Variants in RIC3 observed in about 807,000 individuals in gnomAD.
The protein encoded by RIC3 is protein RIC-3.
A neutral mutation model predicts 27.3 loss-of-function variants in RIC3; 28 were observed. The ratio of observed to expected loss-of-function variants is 1.02; its 90% CI spans 0.76 to 1.41. The LOEUF (loss-of-function observed/expected upper bound fraction) is 1.41. Ranked by LOEUF, RIC3 falls within the 40% of genes most tolerant of loss-of-function variation. The pLI, the probability that RIC3 is intolerant of heterozygous loss-of-function variation, is 0.00. For missense variants in RIC3, 501 were observed against 444.7 expected (o/e 1.13, Z -1.14); for synonymous variants, 184 against 160.4 (o/e 1.15, Z -1.11).
At position 8,107,180 on chromosome 11, in the gene RIC3, GTTT is replaced by G. The variant is rs1194876845; in HGVS notation, c.*3515_*3517del. The G allele has an allele frequency of 1.3e-5, 2 of 152,180 alleles. No homozygotes were observed. Among genetic ancestry groups the G allele is most frequent in the Non-Finnish European group, 2.9e-5 (2 of 68,020 alleles). The allele number at this position is 152,180 out of a possible 1,614,324, so 9.4% of individuals were successfully genotyped here. ...AAGGCAAAGTCATAAATGTGTTCAT[GTTT>G]TTTCTCAATATTGCTGAATAGCTAA... On this transcript the variant is annotated 3_prime_UTR_variant, in exon 6 of 6. Coordinates refer to ENST00000309737, the MANE Select transcript of RIC3 (RefSeq NM_001206671.4).
chr11:8,145,013 C>T lies in RIC3; in HGVS notation c.125-4820G>A, dbSNP rs1366635559. Among the ~76,000 whole-genome samples the T allele has an allele frequency of 3.3e-3, 339 of 103,634 alleles. 3 individuals are homozygous for T. Among genetic ancestry groups the T allele is most frequent in the Non-Finnish European group, 5.1e-3 (286 of 55,744 alleles). 68.0% of individuals were successfully genotyped at this position (103,634 alleles called of 152,430 possible). Reference sequence around the variant, plus strand: ...CATGGACACAGGAAGGGGAATATCACACTCTGGGGACTGTGGTGGGGTGGG... The same window carrying T: ...CATGGACACAGGAAGGGGAATATCATACTCTGGGGACTGTGGTGGGGTGGG... On this transcript the variant is annotated intron_variant, in intron 1 of 5. Transcript: ENST00000309737.
downstream of RIC3, chr11:8,104,673 A>T (rs1195033264): frequency 6.6e-6 from 1 of 152,234 alleles, no homozygotes; most frequent in Non-Finnish European, 1.5e-5. Context: ...GAATGTTGTT[A>T]GCTTTTCAGT....
chr11:8,153,495 G>A (rs556936436), intron 1 of RIC3: 3 of 427,172 alleles, frequency 7.0e-6, no homozygotes, highest in South Asian at 3.5e-5. Context: ...ATAAATCCTT[G>A]TCAAATTTTC....
At chr11:8,144,724 T>C (rs965481650) in intron 1 of RIC3, among the ~76,000 whole-genome samples, 4 of 151,650 alleles carry the variant, frequency 2.6e-5, no homozygotes, top group South Asian at 2.1e-4. Context: ...TAAAGACACA[T>C]GCACACGTAT....
At chr11:8,100,913 G>A in the RIC3 span, 3 of 1,614,140 alleles carry the variant, frequency 1.9e-6, no homozygotes, top group Admixed American at 3.3e-5. Context: ...CTGGAATGAT[G>A]ACACACAGTC....
At chr11:8,121,033 A>C (rs561591313) in intron 5 of RIC3, among the ~76,000 whole-genome samples, 86 of 152,332 alleles carry the variant, frequency 5.6e-4, no homozygotes, top group African/African-American at 2.0e-3. Context: ...ATTTAAATTC[A>C]AGAAAGATGA....
At chr11:8,145,857 A>G (rs566981855) in intron 1 of RIC3, among the ~76,000 whole-genome samples, 1 of 152,356 alleles carries the variant, frequency 6.6e-6, no homozygotes, top group Non-Finnish European at 1.5e-5. Context: ...CTCTAAAAAT[A>G]GAAATAAAAA....
At chr11:8,136,160 G>T (rs74052539) in intron 4 of RIC3, among the ~76,000 whole-genome samples, 1 of 152,080 alleles carries the variant, frequency 6.6e-6, no homozygotes, top group African/African-American at 2.4e-5. Context: ...ACGTTGCAGG[G>T]AAATGCCAGG....
chr11:8,132,723 C>A (rs1436205142), intron 4 of RIC3, among the ~76,000 whole-genome samples: 1 of 152,106 alleles, frequency 6.6e-6, no homozygotes, highest in Admixed American at 6.5e-5. Flanking sequence ...CAACATCCTG[C>A]AGTTATGGAA....
chr11:8,129,931 G>A (rs923835798), intron 4 of RIC3, among the ~76,000 whole-genome samples: 2 of 152,244 alleles, frequency 1.3e-5, no homozygotes, highest in Middle Eastern at 6.8e-3. Flanking sequence ...ATGTTCTGAT[G>A]GCATCTCAGA....
chr11:8,119,217 G>A (rs1056600490), intron 5 of RIC3, among the ~76,000 whole-genome samples: 3 of 152,124 alleles, frequency 2.0e-5, no homozygotes, highest in Admixed American at 6.5e-5. Flanking sequence ...ATTCGTACAC[G>A]CTCAGACACA....
At chr11:8,105,305 C>T (rs1325867769), downstream of RIC3, 1 of 152,182 alleles carries the variant, frequency 6.6e-6, no homozygotes, top group Non-Finnish European at 1.5e-5. Flanking sequence ...TGACTGGGAC[C>T]TGAATGACCT....
chr11:8,144,697 T>TA (rs1379646431), intron 1 of RIC3, among the ~76,000 whole-genome samples: 1 of 152,128 alleles, frequency 6.6e-6, no homozygotes, highest in African/African-American at 2.4e-5. Context: ...CCCAAAGGAC[T>TA]ATAAATTATG....
At chr11:8,138,576 C>T in intron 2 of RIC3, 1 of 476,668 alleles carries the variant, frequency 2.1e-6, no homozygotes, top group South Asian at 4.0e-5. Flanking sequence ...GATTCCTCTT[C>T]AAAGAGACTT....
chr11:8,131,583 C>T (rs117767710), intron 4 of RIC3, among the ~76,000 whole-genome samples: 362 of 152,092 alleles, frequency 2.4e-3, no homozygotes, highest in Non-Finnish European at 4.0e-3. Flanking sequence ...TCTTCTACCA[C>T]AAAAACATAC....
At chr11:8,147,602 T>C (rs1949828832) in intron 1 of RIC3, among the ~76,000 whole-genome samples, 1 of 152,194 alleles carries the variant, frequency 6.6e-6, no homozygotes, top group Non-Finnish European at 1.5e-5. Context: ...TTATGTGAAG[T>C]TATGCCAGAG....
intron 1 of RIC3, among the ~76,000 whole-genome samples, chr11:8,166,799 T>C (rs1358870730): frequency 2.0e-5 from 3 of 152,026 alleles, no homozygotes; most frequent in Non-Finnish European, 2.9e-5. Context: ...GGAGGATCAG[T>C]TGAGCCCTAG....
At chr11:8,153,684 T>C (rs1172708375) in intron 1 of RIC3, among the ~76,000 whole-genome samples, 5 of 152,186 alleles carry the variant, frequency 3.3e-5, no homozygotes, top group Non-Finnish European at 7.3e-5. Flanking sequence ...ACACTGTAAT[T>C]TCCAAAATGT....
At chr11:8,117,749 T>C (rs1946011346) in intron 5 of RIC3, among the ~76,000 whole-genome samples, 1 of 152,200 alleles carries the variant, frequency 6.6e-6, no homozygotes, top group African/African-American at 2.4e-5. Flanking sequence ...GTTAAATAGC[T>C]TGATTTAGCC....
Sources: gnomAD v4.1 joint callset for allele counts (sites outside exome capture counted in the v4.1 genomes callset) on GRCh38, gnomAD v4.1.1 for gene constraint, MANE v1.5 for transcripts, NCBI Gene and HGNC (gene_info 2026-07-23, HGNC 2026-07-21) for gene names.